MBD4: variants seen among roughly 807,000 people sequenced by gnomAD.
MBD4 encodes the protein methyl-CpG binding domain 4, DNA glycosylase, also known as methyl-CpG-binding domain protein 4.
Under a neutral mutation model 60.2 loss-of-function variants are expected in MBD4, and 53 were observed. The ratio of observed to expected loss-of-function variants is 0.88; its 90% CI spans 0.71 to 1.11. The LOEUF (loss-of-function observed/expected upper bound fraction) is 1.11. Among genes scored for constraint, MBD4 ranks in the 50% least tolerant of loss-of-function variants. The pLI is 0.00. For synonymous variants in MBD4, 231 were observed against 229.8 expected (o/e 1.01, Z -0.05); for missense variants, 619 against 674.0 (o/e 0.92, Z 0.90).
chr3:129,436,869 G>A lies in MBD4; in HGVS notation c.775C>T (p.Gln259Ter). The change falls in exon 3 of 8, where the codon CAA (glutamine) becomes TAA (stop). Residue 259 changes from glutamine (Q) to a stop codon, truncating the protein, a stop_gained. Transcript: ENST00000429544. LOFTEE classifies it high-confidence loss of function. ...ACAGATTCTCTTTTGCTATCACTTT[G>A]AACAAAACCTGAACAGCTCTTCCTA... ...GCRKSCSGFVQSDSKRESVCN... is the reference protein window; with the variant it reads ...GCRKSCSGFV 6.2e-7 allele frequency: 1 copy of A among 1,614,036 alleles called. No individual in the cohort carries two copies. Among genetic ancestry groups the A allele is most frequent in the Non-Finnish European group, 8.5e-7 (1 of 1,180,006 alleles).
At position 129,439,865 on chromosome 3, in the gene MBD4, G is replaced by A; in HGVS notation, c.-32C>T. 1.4e-6 allele frequency: 2 copies of A among 1,417,142 alleles called. No homozygotes were observed. Among genetic ancestry groups the A allele is most frequent in the African/African-American group, 2.8e-5 (2 of 71,450 alleles). The allele number at this position is 1,417,142 out of a possible 1,614,324, so 87.8% of individuals were successfully genotyped here. ...GGGTCCGGCTGCAGCAACGAGCCCA[G>A]CGCCGCAACGCCCAGGGTGTGGGGC... On this transcript the variant is annotated 5_prime_UTR_variant, in exon 1 of 8. Transcript: ENST00000429544.
chr3:129,431,392 G>A lies in MBD4; in HGVS notation c.*109C>T. 1.2e-6 allele frequency: 1 copy of A among 847,744 alleles called. No individual in the cohort carries two copies. The highest frequency in any genetic ancestry group is 1.4e-5 in the South Asian group (1 of 73,842). The allele number at this position is 847,744 out of a possible 1,614,324, so 52.5% of individuals were successfully genotyped here. ...AGAAAGCACACACACTAGGCTTCTAGTTGGGCTAATTAAAATCTCTATGGC... is the reference window on the plus strand; with the variant it reads ...AGAAAGCACACACACTAGGCTTCTAATTGGGCTAATTAAAATCTCTATGGC... On this transcript the variant is annotated 3_prime_UTR_variant, in exon 8 of 8. Coordinates refer to ENST00000429544, the MANE Select transcript of MBD4 (RefSeq NM_001276270.2).
chr3:129,438,548 C>A (rs944625701), intron 1 of MBD4, among the ~76,000 whole-genome samples: 1 of 152,046 alleles, frequency 6.6e-6, no homozygotes, highest in Non-Finnish European at 1.5e-5. Flanking sequence ...AAATTACTTG[C>A]AGAACAGACA....
At position 129,437,880 on chromosome 3, in the gene MBD4, T is replaced by C. The variant is rs924918473; in HGVS notation, c.175A>G (p.Ser59Gly). ...TCTTGTAGCAAGGGATTACATTCAC[T>C]GCTTCTTTTTATCATCATTTGTTCC... ...DEEQMMIKRS[S>G]ECNPLLQEPI... The change falls in exon 2 of 8, where the codon AGT becomes GGT. Residue 59 changes from serine (S) to glycine (G), a missense_variant. By Grantham distance (56) the Ser-to-Gly change is moderately conservative (BLOSUM62 0). Transcript: ENST00000429544. The C allele has an allele frequency of 1.2e-6, 2 of 1,613,984 alleles. No homozygotes were observed. The highest frequency in any genetic ancestry group is 2.7e-5 in the African/African-American group (2 of 74,912).
intron 1 of MBD4, among the ~76,000 whole-genome samples, 186 bp from the exon 2 acceptor site, chr3:129,438,136 C>T (rs2072510427): frequency 6.6e-6 from 1 of 152,158 alleles, no homozygotes; most frequent in South Asian, 2.1e-4. Flanking sequence ...CTTCCCATAT[C>T]CTCTAGCACA....
In MBD4 at chr3:129,437,762, A is replaced by C. The variant is rs1250143353; in HGVS notation, c.293T>G (p.Leu98Ter). The change falls in exon 2 of 8, where the codon TTA becomes TGA. Residue 98 changes from leucine to a stop codon, truncating the protein, a stop_gained. Coordinates refer to ENST00000429544, the MANE Select transcript of MBD4 (RefSeq NM_001276270.2). LOFTEE classifies it high-confidence loss of function. Reference sequence around the variant, plus strand: ...AAATCTTCCTGCTGTCTTCCCAAATAACCTTTGCTTCACAACTCTTTCCCA... The same window carrying C: ...AAATCTTCCTGCTGTCTTCCCAAATCACCTTTGCTTCACAACTCTTTCCCA... ...CGWERVVKQR[L>*]FGKTAGRFDV... 1 of 1,614,108 alleles carries C rather than the reference A, an allele frequency of 6.2e-7. No individual in the cohort carries two copies. Among genetic ancestry groups the C allele is most frequent in the East Asian group, 2.2e-5 (1 of 44,874 alleles).
At chr3:129,433,380 G>T in intron 5 of MBD4, 133 bp from the exon 6 acceptor site, 1 of 961,954 alleles carries the variant, frequency 1.0e-6, no homozygotes, top group Non-Finnish European at 1.6e-6. Flanking sequence ...AAACACTGGT[G>T]AGAAGCCATT....
chr3:129,433,272 A>G (rs371295243), intron 5 of MBD4, 25 bp from the exon 6 acceptor site: 3 of 1,613,194 alleles, frequency 1.9e-6, no homozygotes, highest in Non-Finnish European at 2.5e-6. Flanking sequence ...TAACTGAATG[A>G]TTACAAGACT....
rs1263153390 is a variant in MBD4, at chr3:129,437,022, T to C, written c.622A>G (p.Thr208Ala). 1 of 1,614,096 alleles carries C rather than the reference T, an allele frequency of 6.2e-7. No individual in the cohort carries two copies. The highest frequency in any genetic ancestry group is 8.5e-7 in the Non-Finnish European group (1 of 1,180,048). Residue 208 changes from threonine (T) to alanine (A), a missense_variant, in exon 3 of 8, where the codon ACT becomes GCT. Physicochemically the swap from Thr to Ala is moderately conservative, Grantham distance 58. Coordinates refer to ENST00000429544, the MANE Select transcript of MBD4 (RefSeq NM_001276270.2). Reference protein sequence around the residue: ...LQESRGLSNFTSTHLLLKEDE... With the variant: ...LQESRGLSNFASTHLLLKEDE... ...TCTTTCAAAAGCAAATGAGTGGAAG[T>C]AAAGTTAGAGAGTCCTCTGCTCTCC...
intron 7 of MBD4, chr3:129,432,256 G>A: frequency 6.9e-7 from 1 of 1,452,396 alleles, no homozygotes; most frequent in South Asian, 1.4e-5. Context: ...CAGGAACAGG[G>A]CCAGAGGTGA....
Position 129,431,556 on chromosome 3 carries a change from A to G in MBD4, c.1670T>C (p.Leu557Ser), listed in dbSNP as rs200758755. Residue 557 changes from leucine to serine, a missense_variant, in exon 8 of 8, where the codon TTA becomes TCA. Physicochemically the swap from Leu to Ser is moderately radical, Grantham distance 145 (BLOSUM62 -2). Transcript: ENST00000429544. Reference protein sequence around the residue: ...WKQVHPEDHKLNKYHDWLWEN... With the variant: ...WKQVHPEDHKSNKYHDWLWEN... ...CCAAAGCCAGTCATGATATTTATTTAATTTGTGGTCTTCAGGGTGCACCTG... is the reference window on the plus strand; with the variant it reads ...CCAAAGCCAGTCATGATATTTATTTGATTTGTGGTCTTCAGGGTGCACCTG... The G allele has an allele frequency of 6.2e-7, 1 of 1,612,966 alleles. No homozygotes were observed.
intron 3 of MBD4, among the ~76,000 whole-genome samples, chr3:129,434,524 T>G (rs2072420867): frequency 6.6e-6 from 1 of 152,222 alleles, no homozygotes; most frequent in African/African-American, 2.4e-5. Context: ...TATTTTAAAT[T>G]ACGATGCATT....
Position 129,431,434 on chromosome 3 carries a change from T to A in MBD4, c.*67A>T, listed in dbSNP as rs1245415440. 26 of 1,277,732 alleles carry A rather than the reference T, an allele frequency of 2.0e-5. No individual in the cohort carries two copies. Among genetic ancestry groups the A allele is most frequent in the Non-Finnish European group, 2.6e-5 (23 of 878,178 alleles). 79.1% of individuals were successfully genotyped at this position (1,277,732 alleles called of 1,614,324 possible). On this transcript the variant is annotated 3_prime_UTR_variant, in exon 8 of 8. Coordinates refer to ENST00000429544, the MANE Select transcript of MBD4 (RefSeq NM_001276270.2). ...CTCTATGGCTGGAAAGGTGGTTGGT[T>A]GTACTTAATTAAGCTTTTTTGAAGT...
rs2072484264 is a variant in MBD4 at position 129,437,264 on chromosome 3, TA to T, written c.379del (p.Tyr127IlefsTer37). On this transcript the variant is annotated frameshift_variant, in exon 3 of 8. Transcript: ENST00000429544. LOFTEE classifies it high-confidence loss of function. ...KFRSKSSLAN[Y>X]LHKNGETSLK... ...AGAAGTCTCTCCATTTTTGTGAAGA[TA>T]ATTAGCAAGTGAACTTTTGGATCTG... The T allele has an allele frequency of 6.2e-7, 1 of 1,610,954 alleles. No homozygotes were observed. The highest frequency in any genetic ancestry group is 1.3e-5 in the African/African-American group (1 of 75,044).
rs1189417833 is a variant in MBD4, at chr3:129,431,380, A to G, written c.*121T>C. 5.1e-6 allele frequency: 4 copies of G among 785,808 alleles called. No homozygotes were observed. Among genetic ancestry groups the G allele is most frequent in the Non-Finnish European group, 9.0e-6 (4 of 443,282 alleles). The allele number at this position is 785,808 out of a possible 1,614,324, so 48.7% of individuals were successfully genotyped here. A position where few individuals can be genotyped will look rare whatever the true frequency, so the allele number is the denominator to read the frequency against. ...GCACACACATTAAGAAAGCACACACACTAGGCTTCTAGTTGGGCTAATTAA... is the reference window on the plus strand; with the variant it reads ...GCACACACATTAAGAAAGCACACACGCTAGGCTTCTAGTTGGGCTAATTAA... On this transcript the variant is annotated 3_prime_UTR_variant, in exon 8 of 8. Coordinates refer to ENST00000429544, the MANE Select transcript of MBD4 (RefSeq NM_001276270.2).
rs751088344 is a variant in MBD4 at position 129,436,972 on chromosome 3, G to A, written c.672C>T (p.Asn224=). Residue 224 remains asparagine, a synonymous_variant, in exon 3 of 8, where the codon AAC becomes AAT. Coordinates refer to ENST00000429544, the MANE Select transcript of MBD4 (RefSeq NM_001276270.2). The part of the protein sequence containing the change: ...LKEDEGVDDV[N]FRKVRKPKGK... Reference sequence around the variant, plus strand: ...CTTTGGGCTTTCTAACCTTTCTGAAGTTAACATCATCAACACCCTCATCTT... The same window carrying A: ...CTTTGGGCTTTCTAACCTTTCTGAAATTAACATCATCAACACCCTCATCTT... 3.1e-6 allele frequency: 5 copies of A among 1,614,116 alleles called. No homozygotes were observed. In the Admixed American group the frequency reaches 8.3e-5, roughly 27 times the overall value.
At chr3:129,436,205 A>G (rs970087229) in intron 3 of MBD4, among the ~76,000 whole-genome samples, 1 of 152,204 alleles carries the variant, frequency 6.6e-6, no homozygotes, top group East Asian at 1.9e-4. Context: ...AGCTGTTAAT[A>G]GTAATACTCT....
chr3:129,433,626 G>C (rs1000109196), intron 5 of MBD4: 4 of 605,078 alleles, frequency 6.6e-6, no homozygotes, highest in East Asian at 2.8e-5. Flanking sequence ...TGATCAAAAA[G>C]AATTTGGAAG....
In MBD4 at chr3:129,437,219, T is replaced by A; in HGVS notation, c.425A>T (p.Asp142Val). 1 of 1,613,200 alleles carries A rather than the reference T, an allele frequency of 6.2e-7. No homozygotes were observed. Among genetic ancestry groups the A allele is most frequent in the Non-Finnish European group, 8.5e-7 (1 of 1,179,640 alleles). Residue 142 changes from aspartate to valine, a missense_variant, in exon 3 of 8, where the codon GAT becomes GTT. Asp to Val is a radical substitution (Grantham distance 152). Transcript: ENST00000429544. The stretch of plus-strand genomic sequence containing the variant: ...ACCCCTTTTAGAAAGTACAGTAAAA[T>A]CAAAATCTTCTGGCTTAAGAGAAGT... ...GETSLKPEDF[D>V]FTVLSKRGIK...
Sources: gnomAD v4.1 joint callset for allele counts (sites outside exome capture counted in the v4.1 genomes callset) on GRCh38, gnomAD v4.1.1 for gene constraint, MANE v1.5 for transcripts, NCBI Gene and HGNC (gene_info 2026-07-23, HGNC 2026-07-21) for gene names.